Variants in KLRF2 observed in about 807,000 individuals in gnomAD.
The protein encoded by KLRF2 is killer cell lectin-like receptor subfamily F member 2.
Under a neutral mutation model 25.3 loss-of-function variants are expected in KLRF2, and 28 were observed. The ratio of observed to expected loss-of-function variants is 1.11; its 90% CI spans 0.82 to 1.52. KLRF2 has a LOEUF of 1.52. KLRF2 is among the 40% of genes most tolerant of loss of function. KLRF2 has a pLI of 0.00. For synonymous variants in KLRF2, 73 were observed against 85.0 expected (o/e 0.86, Z 0.78); for missense variants, 265 against 245.8 (o/e 1.08, Z -0.52).
At chr12:9,882,981 C>T (rs1868110991) in intron 1 of KLRF2, among the ~76,000 whole-genome samples, 1 of 152,018 alleles carries the variant, frequency 6.6e-6, no homozygotes, top group East Asian at 1.9e-4. Context: ...CAAATGTGTA[C>T]AGAGACTTAA....
intron 1 of KLRF2, among the ~76,000 whole-genome samples, chr12:9,884,371 A>G (rs1868127992): frequency 6.6e-6 from 1 of 151,850 alleles, no homozygotes; most frequent in African/African-American, 2.4e-5. Flanking sequence ...AGAAAAATAT[A>G]ATATATTACA....
At chr12:9,890,980 A>G (rs1037104993) in intron 3 of KLRF2, among the ~76,000 whole-genome samples, 2 of 151,886 alleles carry the variant, frequency 1.3e-5, no homozygotes, top group South Asian at 2.1e-4. Flanking sequence ...ATAATCAAAG[A>G]CTTTAATTGC....
chr12:9,892,489 A>AGG (rs1229559215), intron 3 of KLRF2, among the ~76,000 whole-genome samples: 4 of 151,932 alleles, frequency 2.6e-5, no homozygotes, highest in Admixed American at 2.6e-4. Context: ...CAGAATTCAC[A>AGG]GGCTTTGTTC....
At chr12:9,888,423 G>T (rs184225644) in intron 2 of KLRF2, among the ~76,000 whole-genome samples, 2 of 152,040 alleles carry the variant, frequency 1.3e-5, no homozygotes, top group Admixed American at 1.3e-4. Context: ...CTGGGAGTCG[G>T]AGCTTGCAGT....
chr12:9,894,392 A>G (rs1371244552), intron 5 of KLRF2, among the ~76,000 whole-genome samples: 2 of 151,984 alleles, frequency 1.3e-5, no homozygotes, highest in East Asian at 3.8e-4. Context: ...CATGTTGCCC[A>G]TGCTGGTCTC....
chr12:9,888,850 C>T (rs889346152), intron 3 of KLRF2, 70 bp downstream of exon 3: 36 of 902,598 alleles, frequency 4.0e-5, no homozygotes, highest in African/African-American at 1.1e-4. Context: ...CTCTTCCTGG[C>T]GTTCACCCAT....
chr12:9,882,908 GC>G (rs1258711593), intron 1 of KLRF2, among the ~76,000 whole-genome samples: 4 of 152,162 alleles, frequency 2.6e-5, no homozygotes, highest in Admixed American at 2.6e-4. Flanking sequence ...ACCTGATGAT[GC>G]TTTTATGTGG....
rs1306384992 is a variant in KLRF2 at position 9,888,739 on chromosome 12, A to G, written c.176A>G (p.Lys59Arg). ...TTCTTTGCACTGAGTACAGATAAAA[A>G]AATGGATTTCTCCCAGAATGTAAAC... ...TGIDLKFWHK[K>R]MDFSQNVNVS... The change falls in exon 3 of 6, where the codon AAA becomes AGA. Residue 59 changes from lysine (K) to arginine (R), a missense_variant. Lys to Arg is a conservative substitution (Grantham distance 26). Coordinates refer to ENST00000535540, the MANE Select transcript of KLRF2 (RefSeq NM_001190765.1). The G allele has an allele frequency of 1.3e-6, 2 of 1,495,324 alleles. No homozygotes were observed. Among genetic ancestry groups the G allele is most frequent in the Admixed American group, 3.9e-5 (2 of 50,926 alleles). 92.6% of individuals were successfully genotyped at this position (1,495,324 alleles called of 1,614,324 possible).
intron 5 of KLRF2, among the ~76,000 whole-genome samples, chr12:9,894,473 C>T (rs1862734892): frequency 6.6e-6 from 1 of 152,154 alleles, no homozygotes; most frequent in South Asian, 2.1e-4. Context: ...TGAGCCACCA[C>T]TCCCAGCCTG....
intron 5 of KLRF2, among the ~76,000 whole-genome samples, chr12:9,895,477 T>C (rs1255193261): frequency 6.6e-6 from 1 of 152,202 alleles, no homozygotes; most frequent in Non-Finnish European, 1.5e-5. Flanking sequence ...GAAGCTGGGA[T>C]GTCTTCTAGT....
At chr12:9,885,077 A>G (rs1475402356) in intron 2 of KLRF2, 45 bp downstream of exon 2, 3 of 687,720 alleles carry the variant, frequency 4.4e-6, no homozygotes, top group Admixed American at 4.2e-5. Context: ...CAGAAGATAA[A>G]TGTTGATCCT....
rs567572344 is a variant in KLRF2, at chr12:9,885,747, C to G, written c.169+715C>G. On this transcript the variant is annotated intron_variant, in intron 2 of 5. Transcript: ENST00000535540. Reference sequence around the variant, plus strand: ...ATATCCTACTTAATGTATTTTTTCTCTAAATATCAATCATATACCTCAAAA... The same window carrying G: ...ATATCCTACTTAATGTATTTTTTCTGTAAATATCAATCATATACCTCAAAA... Among the ~76,000 whole-genome samples, 3 of 152,030 alleles carry G rather than the reference C, an allele frequency of 2.0e-5. No homozygotes were observed. The East Asian group carries it at 5.8e-4, about 29-fold the overall frequency.
chr12:9,886,705 T>C (rs573463540), intron 2 of KLRF2, among the ~76,000 whole-genome samples: 2 of 151,490 alleles, frequency 1.3e-5, no homozygotes, highest in Admixed American at 6.6e-5. Flanking sequence ...CTCTTTTTGA[T>C]TGGTGTCTTG....
At position 9,893,582 on chromosome 12, in the gene KLRF2, G is replaced by T. The variant is rs764949664; in HGVS notation, c.479+41G>T. 12 of 720,356 alleles carry T rather than the reference G, an allele frequency of 1.7e-5. No homozygotes were observed. In the South Asian group the frequency reaches 2.3e-4, roughly 14 times the overall value. 44.6% of individuals were successfully genotyped at this position (720,356 alleles called of 1,614,324 possible). A position where few individuals can be genotyped will look rare whatever the true frequency, so the allele number is the denominator to read the frequency against. On this transcript the variant is annotated intron_variant, in intron 5 of 5. Coordinates refer to ENST00000535540, the MANE Select transcript of KLRF2 (RefSeq NM_001190765.1). Reference sequence around the variant, plus strand: ...TAAGGGAGGGGTGCTAATGTTTATAGAATTATTTTTATATTAAACTTCTTC... The same window carrying T: ...TAAGGGAGGGGTGCTAATGTTTATATAATTATTTTTATATTAAACTTCTTC...
Position 9,881,572 on chromosome 12 carries a change from A to G in KLRF2, c.-24A>G. The G allele has an allele frequency of 6.8e-7, 1 of 1,471,512 alleles. No individual in the cohort carries two copies. The highest frequency in any genetic ancestry group is 9.2e-7 in the Non-Finnish European group (1 of 1,088,596). 91.2% of individuals were successfully genotyped at this position (1,471,512 alleles called of 1,614,324 possible). A position where few individuals can be genotyped will look rare whatever the true frequency, so the allele number is the denominator to read the frequency against. Reference sequence around the variant, plus strand: ...TTTTCTTTGTACTATTTTCTGGATAATAAGACATTAGACATTTGAAGAGAT... The same window carrying G: ...TTTTCTTTGTACTATTTTCTGGATAGTAAGACATTAGACATTTGAAGAGAT... On this transcript the variant is annotated 5_prime_UTR_variant, in exon 1 of 6. Transcript: ENST00000535540.
intron 2 of KLRF2, 94 bp from the exon 3 acceptor site, chr12:9,888,639 T>A (rs762537638): frequency 4.5e-6 from 3 of 666,078 alleles, no homozygotes; most frequent in Non-Finnish European, 7.8e-6. Flanking sequence ...TTTATTAGTA[T>A]GCCTTCATTT....
intron 2 of KLRF2, among the ~76,000 whole-genome samples, chr12:9,885,513 G>A (rs1862584543): frequency 6.6e-6 from 1 of 151,782 alleles, no homozygotes; most frequent in South Asian, 2.1e-4. Context: ...CAAATGAGTA[G>A]TGTTTTACAT....
In KLRF2 at chr12:9,895,823, G is replaced by A; in HGVS notation, c.614G>A (p.Ser205Asn). 6.5e-7 allele frequency: 1 copy of A among 1,532,180 alleles called. No homozygotes were observed. The highest frequency in any genetic ancestry group is 2.5e-5 in the East Asian group (1 of 40,636). 94.9% of individuals were successfully genotyped at this position (1,532,180 alleles called of 1,614,324 possible). Residue 205 changes from serine to asparagine, a missense_variant, in exon 6 of 6, where the codon AGT becomes AAT. Transcript: ENST00000535540. ...RDAILTHNGT[S>N]GV The stretch of plus-strand genomic sequence containing the variant: ...GCGATCTTGACGCACAATGGAACCA[G>A]TGGTGTGTAAATGTACAACCAAACA...
chr12:9,892,903 C>CCA, intron 3 of KLRF2, 117 bp from the exon 4 acceptor site: 4 of 775,314 alleles, frequency 5.2e-6, no homozygotes, highest in Non-Finnish European at 7.6e-6. Flanking sequence ...TTTTATTGAC[C>CCA]AAAAAAAAAA....
Sources: allele counts gnomAD v4.1 joint callset (sites outside exome capture counted in the v4.1 genomes callset), GRCh38; gene constraint gnomAD v4.1.1; transcripts MANE v1.5; gene names NCBI Gene and HGNC (gene_info 2026-07-23, HGNC 2026-07-21).